The following THSD4 variants were observed in gnomAD, a reference collection of about 807,000 sequenced individuals.
THSD4 encodes thrombospondin type-1 domain-containing protein 4.
Under a neutral mutation model 119.0 loss-of-function variants are expected in THSD4, and 69 were observed. The ratio of observed to expected loss-of-function variants is 0.58; its 90% CI spans 0.48 to 0.71. The LOEUF is 0.71. THSD4 is among the 30% of genes least tolerant of loss of function. The pLI is 0.00. For synonymous variants in THSD4, 524 were observed against 540.4 expected (o/e 0.97, Z 0.42); for missense variants, 1,393 against 1,391.1 (o/e 1.00, Z -0.02).
chr15:71,540,364 C>T (rs918292169), intron 7 of THSD4, among the ~76,000 whole-genome samples: 17 of 150,976 alleles, frequency 1.1e-4, no homozygotes, highest in African/African-American at 4.1e-4. Flanking sequence ...TCTCGAACTC[C>T]TGACCTCATG....
chr15:71,618,821 G>A (rs532176948), intron 7 of THSD4, among the ~76,000 whole-genome samples: 5 of 151,868 alleles, frequency 3.3e-5, no homozygotes, highest in South Asian at 2.1e-4. Context: ...TAAGCGATCC[G>A]CCTGCCTCAG....
chr15:71,730,124 A>G (rs2141132455), intron 9 of THSD4: 1 of 152,400 alleles, frequency 6.6e-6, no homozygotes, highest in African/African-American at 2.4e-5. Context: ...AGATGCTTCT[A>G]GCTGGAAAGG....
At chr15:71,237,203 G>A (rs2140269737) in intron 4 of THSD4, among the ~76,000 whole-genome samples, 1 of 152,294 alleles carries the variant, frequency 6.6e-6, no homozygotes, top group South Asian at 2.1e-4. Flanking sequence ...TTCAGGGGAT[G>A]GTGGTACTTG....
intron 7 of THSD4, among the ~76,000 whole-genome samples, chr15:71,653,268 T>C (rs970674619): frequency 2.0e-5 from 3 of 152,236 alleles, no homozygotes; most frequent in Non-Finnish European, 4.4e-5. Context: ...GATAATTAAG[T>C]GTTCTTTGCT....
intron 8 of THSD4, among the ~76,000 whole-genome samples, chr15:71,703,777 G>A (rs1595877034): frequency 2.0e-5 from 3 of 152,180 alleles, no homozygotes; most frequent in East Asian, 3.8e-4. Flanking sequence ...CCTGTCTCTG[G>A]TGAGGGGCAA....
intron 7 of THSD4, among the ~76,000 whole-genome samples, chr15:71,442,613 T>TATATAA: frequency 1.2e-5 from 1 of 83,426 alleles, no homozygotes; most frequent in Non-Finnish European, 2.5e-5. Flanking sequence ...TGTGTGTGTG[T>TATATAA]GTGTGTATAT....
chr15:71,693,974 C>T (rs1227933452), intron 8 of THSD4, among the ~76,000 whole-genome samples: 1 of 151,366 alleles, frequency 6.6e-6, no homozygotes, highest in Non-Finnish European at 1.5e-5. Flanking sequence ...AATCATATAC[C>T]ACTGCACTCA....
chr15:71,727,719 A>G (rs1417098613), intron 8 of THSD4, among the ~76,000 whole-genome samples: 2 of 136,342 alleles, frequency 1.5e-5, no homozygotes, highest in East Asian at 2.5e-4. Flanking sequence ...GCACTGAGCC[A>G]GGATCACACC....
At chr15:71,694,445 T>G (rs2052120672) in intron 8 of THSD4, among the ~76,000 whole-genome samples, 1 of 152,248 alleles carries the variant, frequency 6.6e-6, no homozygotes, top group Non-Finnish European at 1.5e-5. Context: ...GGTTAAGCTT[T>G]TGCAAGGATT....
intron 6 of THSD4, among the ~76,000 whole-genome samples, chr15:71,399,451 C>A (rs571702720): frequency 2.4e-4 from 36 of 152,282 alleles, no homozygotes; most frequent in African/African-American, 8.4e-4. Context: ...ACAGCATAGA[C>A]CATACCTGAC....
intron 6 of THSD4, among the ~76,000 whole-genome samples, chr15:71,329,223 T>C (rs11856837): frequency 0.23 from 34,481 of 152,006 alleles, 4,757 homozygotes; most frequent in African/African-American, 0.4. Flanking sequence ...TATCCATCAT[T>C]ATGGGAGGAA....
intron 16 of THSD4, among the ~76,000 whole-genome samples, chr15:71,768,660 G>GT (rs957228196): frequency 1.9e-4 from 28 of 145,428 alleles, no homozygotes; most frequent in African/African-American, 6.8e-4. Flanking sequence ...TGCCTCCCAG[G>GT]TTCACGCCAT....
At chr15:71,704,752 A>G (rs1200029728) in intron 8 of THSD4, among the ~76,000 whole-genome samples, 1 of 152,242 alleles carries the variant, frequency 6.6e-6, no homozygotes, top group Non-Finnish European at 1.5e-5. Context: ...ACCCCTAGCT[A>G]CAATGATTTG....
At chr15:71,639,904 T>C (rs2050822516) in intron 7 of THSD4, among the ~76,000 whole-genome samples, 3 of 152,214 alleles carry the variant, frequency 2.0e-5, no homozygotes, top group East Asian at 3.9e-4. Flanking sequence ...TTAATGTTTT[T>C]TCCTTATTCA....
chr15:71,588,347 G>C (rs1034628830), intron 7 of THSD4, among the ~76,000 whole-genome samples: 5 of 151,204 alleles, frequency 3.3e-5, no homozygotes, highest in Non-Finnish European at 5.9e-5. Flanking sequence ...GGAAAAGTGA[G>C]ACACAGCTGA....
chr15:71,535,075 T>C (rs2048670716), intron 7 of THSD4, among the ~76,000 whole-genome samples: 2 of 152,238 alleles, frequency 1.3e-5, no homozygotes, highest in Admixed American at 6.5e-5. Flanking sequence ...AGTATAACTT[T>C]AGAACATTTT....
intron 6 of THSD4, among the ~76,000 whole-genome samples, chr15:71,268,947 G>C (rs896231242): frequency 2.0e-5 from 3 of 152,028 alleles, no homozygotes; most frequent in Admixed American, 2.0e-4. Flanking sequence ...CCAATAACAA[G>C]GTCTGAAATT....
At chr15:71,498,776 G>A (rs1002555155) in intron 7 of THSD4, among the ~76,000 whole-genome samples, 1 of 151,828 alleles carries the variant, frequency 6.6e-6, no homozygotes, top group Non-Finnish European at 1.5e-5. Context: ...GCTCACAGCA[G>A]CCTCACCCTC....
Position 71,771,047 on chromosome 15 carries a change from C to A in THSD4, c.2770-17C>A. Reference sequence around the variant, plus strand: ...GTCTGCCCAAAAATCTGATGTTTTCCCTTTGTTCCCATGCAGTGTTCCAAG... The same window carrying A: ...GTCTGCCCAAAAATCTGATGTTTTCACTTTGTTCCCATGCAGTGTTCCAAG... On this transcript the variant is annotated splice_polypyrimidine_tract_variant and intron_variant, in intron 16 of 17. Coordinates refer to ENST00000261862, the MANE Select transcript of THSD4 (RefSeq NM_024817.3). 1.2e-6 allele frequency: 2 copies of A among 1,611,316 alleles called. No individual in the cohort carries two copies. Among genetic ancestry groups the A allele is most frequent in the Non-Finnish European group, 1.7e-6 (2 of 1,179,146 alleles).
Sources: allele counts gnomAD v4.1 joint callset (sites outside exome capture counted in the v4.1 genomes callset), GRCh38; gene constraint gnomAD v4.1.1; transcripts MANE v1.5; gene names NCBI Gene and HGNC (gene_info 2026-07-23, HGNC 2026-07-21).